The following RAB12 variants were observed in gnomAD, a reference collection of about 807,000 sequenced individuals.
The protein encoded by RAB12 is RAB12, member RAS oncogene family, also known as ras-related protein Rab-12.
Under a neutral mutation model 28.4 loss-of-function variants are expected in RAB12, and 11 were observed. The ratio of observed to expected loss-of-function variants is 0.39; its 90% CI spans 0.24 to 0.64. RAB12 has a LOEUF of 0.64. Among genes scored for constraint, RAB12 ranks in the 30% least tolerant of loss-of-function variants. The pLI is 0.50. For missense variants in RAB12, 276 were observed against 351.1 expected, an observed-to-expected ratio of 0.79 and a Z score of 1.71; for synonymous variants, 138 against 145.3, an observed-to-expected ratio of 0.95 and a Z score of 0.36.
chr18:8,635,371 C>A, intron 3 of RAB12, 162 bp from the exon 4 acceptor site: 1 of 566,836 alleles, frequency 1.8e-6, no homozygotes, highest in Non-Finnish European at 3.1e-6. Context: ...CCCTGCCTTG[C>A]ACTGCTGCCC....
At chr18:8,634,962 T>G (rs367862219) in intron 3 of RAB12, among the ~76,000 whole-genome samples, 2 of 152,228 alleles carry the variant, frequency 1.3e-5, no homozygotes, top group East Asian at 1.9e-4. Context: ...ATAAAATTAA[T>G]GATACCTTCA....
rs151320519 is a variant in RAB12 at position 8,626,459 on chromosome 18, TAATG to T, written c.575+1462_575+1465del. Among the ~76,000 whole-genome samples, 586 of 152,370 alleles carry T rather than the reference TAATG, an allele frequency of 3.8e-3. 2 individuals are homozygous for T. The highest frequency in any genetic ancestry group is 0.014 in the African/African-American group (564 of 41,578). On this transcript the variant is annotated intron_variant, in intron 2 of 5. Coordinates refer to ENST00000649141, the MANE Select transcript of RAB12 (RefSeq NM_001025300.3). ...TGATGACTGTGGCACATGTCTTAATTAATGCATTAATACTTCCATCTTCATCTTT... is the reference window on the plus strand; with the variant it reads ...TGATGACTGTGGCACATGTCTTAATTCATTAATACTTCCATCTTCATCTTT...
chr18:8,633,374 T>C, intron 3 of RAB12, 47 bp downstream of exon 3: 1 of 1,596,766 alleles, frequency 6.3e-7, no homozygotes, highest in Non-Finnish European at 8.6e-7. Flanking sequence ...TGCTTGTGAG[T>C]CTTAATCATT....
chr18:8,634,656 T>G (rs2096017899), intron 3 of RAB12, among the ~76,000 whole-genome samples: 1 of 152,020 alleles, frequency 6.6e-6, no homozygotes, highest in African/African-American at 2.4e-5. Flanking sequence ...CTTTTCACCT[T>G]ACTTGAGTGA....
At chr18:8,630,620 G>C (rs2096015405) in intron 2 of RAB12, among the ~76,000 whole-genome samples, 2 of 152,140 alleles carry the variant, frequency 1.3e-5, no homozygotes, top group Admixed American at 1.3e-4. Context: ...GGTTGTGGGA[G>C]GACTTCAAAT....
At chr18:8,618,629 C>G (rs1017801002) in intron 1 of RAB12, among the ~76,000 whole-genome samples, 1 of 152,098 alleles carries the variant, frequency 6.6e-6, no homozygotes, top group African/African-American at 2.4e-5. Flanking sequence ...CCTGCCTCAG[C>G]CTCCCGAGCA....
intron 2 of RAB12, 77 bp downstream of exon 2, chr18:8,625,075 G>C (rs1183308847): frequency 5.3e-6 from 5 of 935,478 alleles, no homozygotes; most frequent in South Asian, 1.6e-5. Context: ...AAAATGAACT[G>C]TTTGAGCTGA....
intron 2 of RAB12, among the ~76,000 whole-genome samples, chr18:8,629,908 T>C (rs1204865312): frequency 2.0e-5 from 3 of 152,156 alleles, no homozygotes; most frequent in Non-Finnish European, 4.4e-5. Context: ...GCGCACTTGG[T>C]TGGGGTTCTT....
At chr18:8,628,140 T>C (rs1447600420) in intron 2 of RAB12, among the ~76,000 whole-genome samples, 1 of 152,110 alleles carries the variant, frequency 6.6e-6, no homozygotes, top group African/African-American at 2.4e-5. Flanking sequence ...AACTCAAGTT[T>C]ATGGGGAAAA....
intron 1 of RAB12, among the ~76,000 whole-genome samples, chr18:8,618,806 T>A (rs1476121833): frequency 6.6e-6 from 1 of 152,202 alleles, no homozygotes; most frequent in Non-Finnish European, 1.5e-5. Context: ...GCCACCGTGC[T>A]CAGCCACATT....
At chr18:8,628,144 G>A (rs955695523) in intron 2 of RAB12, among the ~76,000 whole-genome samples, 1 of 152,130 alleles carries the variant, frequency 6.6e-6, no homozygotes, top group African/African-American at 2.4e-5. Context: ...CAAGTTTATG[G>A]GGAAAAAGAG....
intron 2 of RAB12, 159 bp from the exon 3 acceptor site, chr18:8,633,030 A>G (rs953114627): frequency 6.4e-6 from 5 of 777,588 alleles, no homozygotes; most frequent in East Asian, 5.1e-5. Context: ...AATTTTTCCT[A>G]CTTTCTTTAA....
intron 2 of RAB12, chr18:8,632,854 T>C: frequency 4.1e-6 from 1 of 241,934 alleles, no homozygotes. Flanking sequence ...TAGGAAAACA[T>C]CATATATTTT....
intron 5 of RAB12, among the ~76,000 whole-genome samples, chr18:8,637,469 C>A: frequency 6.6e-6 from 1 of 152,116 alleles, no homozygotes; most frequent in East Asian, 1.9e-4. Flanking sequence ...GCAGGCTGGG[C>A]ATTGTTCATG....
At chr18:8,613,869 G>GTAGTA (rs1567892104) in intron 1 of RAB12, among the ~76,000 whole-genome samples, 4 of 132,104 alleles carry the variant, frequency 3.0e-5, no homozygotes, top group African/African-American at 1.2e-4. Context: ...TAGTAGTAGT[G>GTAGTA]GTCACTGCTA....
chr18:8,625,909 T>G (rs1160467337), intron 2 of RAB12, among the ~76,000 whole-genome samples: 1 of 152,230 alleles, frequency 6.6e-6, no homozygotes, highest in Non-Finnish European at 1.5e-5. Context: ...TGAATGTTAG[T>G]GCCATGTCTT....
chr18:8,633,403 AAC>A, intron 3 of RAB12, 76 bp downstream of exon 3: 3 of 1,522,994 alleles, frequency 2.0e-6, no homozygotes, highest in Non-Finnish European at 2.7e-6. Flanking sequence ...AAGGAGGGGA[AAC>A]ACATGTATTG....
intron 2 of RAB12, 186 bp from the exon 3 acceptor site, chr18:8,633,003 T>C: frequency 1.6e-6 from 1 of 622,742 alleles, no homozygotes; most frequent in Non-Finnish European, 2.8e-6. Context: ...TTCTATGTCA[T>C]AGTTTTAGTC....
chr18:8,611,470 T>G (rs899286230), intron 1 of RAB12, among the ~76,000 whole-genome samples: 3 of 151,926 alleles, frequency 2.0e-5, no homozygotes, highest in Non-Finnish European at 2.9e-5. Flanking sequence ...AAGGTGTGCT[T>G]TAGAATGCAG....
Sources: gnomAD v4.1 joint callset for allele counts (sites outside exome capture counted in the v4.1 genomes callset) on GRCh38, gnomAD v4.1.1 for gene constraint, MANE v1.5 for transcripts, NCBI Gene and HGNC (gene_info 2026-07-23, HGNC 2026-07-21) for gene names.